The following DCUN1D2 variants were observed in gnomAD, a reference collection of about 807,000 sequenced individuals.
The protein encoded by DCUN1D2 is DCN1-like protein 2.
A neutral mutation model predicts 30.9 loss-of-function variants in DCUN1D2; 29 were observed. That is an observed-to-expected ratio of 0.94 (90% CI 0.70 to 1.28). The LOEUF (loss-of-function observed/expected upper bound fraction) is 1.28. Ranked by LOEUF, DCUN1D2 falls within the 50% of genes most tolerant of loss-of-function variation. The pLI, the probability that DCUN1D2 is intolerant of heterozygous loss-of-function variation, is 0.00. For synonymous variants in DCUN1D2, 121 were observed against 115.3 expected, an observed-to-expected ratio of 1.05 and a Z score of -0.32; for missense variants, 325 against 316.9, an observed-to-expected ratio of 1.03 and a Z score of -0.19.
intron 1 of DCUN1D2, among the ~76,000 whole-genome samples, chr13:113,485,684 A>G (rs2044789970): frequency 6.6e-6 from 1 of 152,124 alleles, no homozygotes; most frequent in African/African-American, 2.4e-5. Context: ...AGGCAATCAA[A>G]AAGCATGCTG....
At chr13:113,480,422 C>A in intron 3 of DCUN1D2, 153 bp downstream of exon 3, 2 of 556,860 alleles carry the variant, frequency 3.6e-6, no homozygotes, top group South Asian at 5.4e-5. Context: ...AAACCAAAGG[C>A]TTGATAGTGC....
chr13:113,484,717 T>A (rs2044771169), intron 1 of DCUN1D2, among the ~76,000 whole-genome samples: 1 of 152,074 alleles, frequency 6.6e-6, no homozygotes, highest in East Asian at 1.9e-4. Context: ...ATAACAAAAC[T>A]GCCAAATAGC....
chr13:113,469,217 ATCC>A (rs1246562189), intron 4 of DCUN1D2, among the ~76,000 whole-genome samples: 2 of 151,964 alleles, frequency 1.3e-5, no homozygotes, highest in Non-Finnish European at 2.9e-5. Context: ...GCCCCGAACC[ATCC>A]TCCTTCTGAA....
At position 113,490,334 on chromosome 13, in the gene DCUN1D2, C is replaced by A; in HGVS notation, c.3+333G>T. The stretch of plus-strand genomic sequence containing the variant: ...CCTCGCCCGCCTCGACTGCCCGTTT[C>A]GAAGCCGCCCTGGGAAGCCCCCGGC... On this transcript the variant is annotated intron_variant, in intron 1 of 6. Coordinates refer to ENST00000478244, the MANE Select transcript of DCUN1D2 (RefSeq NM_001014283.2). The surrounding 1 kb of genome is among the most constrained non-coding windows in gnomAD (Gnocchi z 5.2). The A allele has an allele frequency of 4.1e-6, 1 of 246,350 alleles. No homozygotes were observed. Among genetic ancestry groups the A allele is most frequent in the Non-Finnish European group, 7.7e-6 (1 of 129,342 alleles). 15.3% of individuals were successfully genotyped at this position (246,350 alleles called of 1,614,324 possible). A position where few individuals can be genotyped will look rare whatever the true frequency, so the allele number is the denominator to read the frequency against.
rs111921941 is a variant in DCUN1D2 at position 113,473,104 on chromosome 13, C to G, written c.520+1020G>C. Among the ~76,000 whole-genome samples, 299 of 146,618 alleles carry G rather than the reference C, an allele frequency of 2.0e-3. 2 individuals are homozygous for G. The highest frequency in any genetic ancestry group is 6.9e-3 in the African/African-American group (275 of 39,984). ...CTCTATCCCTCTGTCTCCTGTGCCT[C>G]TGTCCCTCTGTCCCCCGTCTCTCTA... On this transcript the variant is annotated intron_variant, in intron 4 of 6. Coordinates refer to ENST00000478244, the MANE Select transcript of DCUN1D2 (RefSeq NM_001014283.2).
At chr13:113,471,525 T>C (rs1421477249) in intron 4 of DCUN1D2, among the ~76,000 whole-genome samples, 1 of 152,204 alleles carries the variant, frequency 6.6e-6, no homozygotes, top group Non-Finnish European at 1.5e-5. Context: ...GATTAGAAAG[T>C]ACTTACTGAA....
At chr13:113,462,304 T>A (rs984614711) in intron 4 of DCUN1D2, among the ~76,000 whole-genome samples, 16 of 150,968 alleles carry the variant, frequency 1.1e-4, no homozygotes, top group African/African-American at 3.9e-4. Context: ...AATAAATACA[T>A]AAAGTGACCT....
At chr13:113,464,865 G>A (rs1306962116) in intron 4 of DCUN1D2, among the ~76,000 whole-genome samples, 1 of 152,230 alleles carries the variant, frequency 6.6e-6, no homozygotes, top group African/African-American at 2.4e-5. Context: ...CCAGGCAGCC[G>A]GCCTGGCTGA....
intron 4 of DCUN1D2, among the ~76,000 whole-genome samples, chr13:113,465,758 C>T (rs1290923634): frequency 6.6e-6 from 1 of 151,904 alleles, no homozygotes; most frequent in Non-Finnish European, 1.5e-5. Context: ...CCTCCACCTC[C>T]CAGGCTCAAG....
intron 4 of DCUN1D2, among the ~76,000 whole-genome samples, chr13:113,465,007 C>A (rs2044378368): frequency 6.6e-6 from 1 of 152,168 alleles, no homozygotes; most frequent in Non-Finnish European, 1.5e-5. Context: ...GATAAAAATT[C>A]TTAAAGATAA....
At chr13:113,462,891 C>A in intron 4 of DCUN1D2, 1 of 1,249,742 alleles carries the variant, frequency 8.0e-7, no homozygotes, top group Non-Finnish European at 1.0e-6. Flanking sequence ...TGGAGGTGAA[C>A]CTGGGGAGGA....
At chr13:113,483,709 A>C in intron 2 of DCUN1D2, 131 bp downstream of exon 2, 5 of 780,988 alleles carry the variant, frequency 6.4e-6, no homozygotes, top group Non-Finnish European at 8.2e-6. Context: ...CTGAGCGCCG[A>C]GCGCTGAGCG....
chr13:113,488,081 TA>T lies in DCUN1D2; in HGVS notation c.3+2585del, dbSNP rs2044839969. On this transcript the variant is annotated intron_variant, in intron 1 of 6. Coordinates refer to ENST00000478244, the MANE Select transcript of DCUN1D2 (RefSeq NM_001014283.2). The surrounding 1 kb of genome is among the most constrained non-coding windows in gnomAD (Gnocchi z 4.3). ...TGACAACACCATAACACCAGCAGCCTAATTTCTTGGAACTCTAGAAGAACAG... is the reference window on the plus strand; with the variant it reads ...TGACAACACCATAACACCAGCAGCCTATTTCTTGGAACTCTAGAAGAACAG... Among the ~76,000 whole-genome samples, 1 of 152,182 alleles carries T rather than the reference TA, an allele frequency of 6.6e-6. No homozygotes were observed. The highest frequency in any genetic ancestry group is 2.1e-4 in the South Asian group (1 of 4,832).
chr13:113,482,109 C>T (rs1184617334), intron 2 of DCUN1D2, among the ~76,000 whole-genome samples: 7 of 152,110 alleles, frequency 4.6e-5, no homozygotes, highest in South Asian at 4.1e-4. Context: ...TCATTACAAC[C>T]GTGTTCAACA....
At position 113,456,098 on chromosome 13, in the gene DCUN1D2, C is replaced by T. The variant is rs948976922; in HGVS notation, c.*1931G>A. The stretch of plus-strand genomic sequence containing the variant: ...CCATGAAGCCTGGAAGATACGCTCA[C>T]GTTTTTGAGGTTTGTATTAATGCCA... On this transcript the variant is annotated 3_prime_UTR_variant, in exon 7 of 7. Transcript: ENST00000478244. 5 of 391,956 alleles carry T rather than the reference C, an allele frequency of 1.3e-5. No individual in the cohort carries two copies. Among genetic ancestry groups the T allele is most frequent in the African/African-American group, 2.3e-5 (1 of 43,666 alleles). 24.3% of individuals were successfully genotyped at this position (391,956 alleles called of 1,614,324 possible). A position where few individuals can be genotyped will look rare whatever the true frequency, so the allele number is the denominator to read the frequency against.
chr13:113,475,797 AAC>A (rs2044606718), intron 3 of DCUN1D2: 2 of 152,332 alleles, frequency 1.3e-5, no homozygotes, highest in African/African-American at 4.8e-5. Flanking sequence ...CAGTTGGCAC[AAC>A]AGAGTGTGAC....
chr13:113,480,429 G>C, intron 3 of DCUN1D2, 146 bp downstream of exon 3: 1 of 628,174 alleles, frequency 1.6e-6, no homozygotes, highest in Non-Finnish European at 2.5e-6. Context: ...AGGCTTGATA[G>C]TGCGGAGAGT....
chr13:113,490,552 G>T lies in DCUN1D2; in HGVS notation c.3+115C>A. 2 of 1,048,322 alleles carry T rather than the reference G, an allele frequency of 1.9e-6. No individual in the cohort carries two copies. The highest frequency in any genetic ancestry group is 2.4e-6 in the Non-Finnish European group (2 of 823,468). The allele number at this position is 1,048,322 out of a possible 1,614,324, so 64.9% of individuals were successfully genotyped here. A position where few individuals can be genotyped will look rare whatever the true frequency, so the allele number is the denominator to read the frequency against. ...TTCCTCCCTCGGATCCACGCGGAACGCCCCGCGCAGCTCGCTGGGCTCGGC... is the reference window on the plus strand; with the variant it reads ...TTCCTCCCTCGGATCCACGCGGAACTCCCCGCGCAGCTCGCTGGGCTCGGC... On this transcript the variant is annotated intron_variant, in intron 1 of 6. Coordinates refer to ENST00000478244, the MANE Select transcript of DCUN1D2 (RefSeq NM_001014283.2). The surrounding 1 kb of genome is among the most constrained non-coding windows in gnomAD (Gnocchi z 5.2).
chr13:113,472,431 A>T (rs2044536472), intron 4 of DCUN1D2, among the ~76,000 whole-genome samples: 2 of 152,236 alleles, frequency 1.3e-5, no homozygotes, highest in Non-Finnish European at 2.9e-5. Context: ...GGTCTGGGGT[A>T]GAAGGTGACT....
Sources: gnomAD v4.1 joint callset for allele counts (sites outside exome capture counted in the v4.1 genomes callset) on GRCh38, gnomAD v4.1.1 for gene constraint, Gnocchi (gnomAD v3.1) non-coding constraint, MANE v1.5 for transcripts, NCBI Gene and HGNC (gene_info 2026-07-23, HGNC 2026-07-21) for gene names.